The following GMDS variants were observed in gnomAD, a reference collection of about 807,000 sequenced individuals.
GMDS encodes GDP-mannose 4,6-dehydratase.
In GMDS, 20 loss-of-function variants were observed where a neutral mutation model predicts 49.9. The ratio of observed to expected loss-of-function variants is 0.40; its 90% CI spans 0.28 to 0.58. The LOEUF (loss-of-function observed/expected upper bound fraction) is 0.58. Ranked by LOEUF, GMDS falls within the 20% of genes least tolerant of loss-of-function variation. GMDS has a pLI of 0.42. For synonymous variants in GMDS, 177 were observed against 178.6 expected (o/e 0.99, Z 0.07); for missense variants, 362 against 481.4 (o/e 0.75, Z 2.32).
At chr6:2,052,843 A>C (rs1022639766) in intron 4 of GMDS, among the ~76,000 whole-genome samples, 5 of 152,202 alleles carry the variant, frequency 3.3e-5, no homozygotes, top group Admixed American at 3.3e-4. Context: ...CCTAGGACCA[A>C]GATAATACAA....
chr6:1,747,833 T>C (rs577307220), intron 7 of GMDS, among the ~76,000 whole-genome samples: 70 of 152,272 alleles, frequency 4.6e-4, no homozygotes, highest in African/African-American at 1.6e-3. Context: ...GAAACCAAAG[T>C]CTGGCCTTAT....
At chr6:1,995,496 A>G (rs1467216862) in intron 4 of GMDS, among the ~76,000 whole-genome samples, 1 of 132,284 alleles carries the variant, frequency 7.6e-6, no homozygotes, top group Non-Finnish European at 1.6e-5. Context: ...GTGTTGTCTC[A>G]GAGAGAACAT....
chr6:1,660,506 G>A (rs1427282330), intron 9 of GMDS, among the ~76,000 whole-genome samples: 2 of 151,960 alleles, frequency 1.3e-5, no homozygotes, highest in African/African-American at 4.8e-5. Flanking sequence ...TCTGCGGAGA[G>A]GCCGGGGAGG....
intron 4 of GMDS, among the ~76,000 whole-genome samples, chr6:2,036,262 G>C (rs1769301259): frequency 1.3e-5 from 2 of 152,194 alleles, no homozygotes; most frequent in African/African-American, 4.8e-5. Flanking sequence ...TCTGTGTAAA[G>C]TATTTAAGAT....
chr6:2,236,974 T>C (rs1781388839), intron 1 of GMDS, among the ~76,000 whole-genome samples: 1 of 152,246 alleles, frequency 6.6e-6, no homozygotes, highest in Non-Finnish European at 1.5e-5. Flanking sequence ...TTTTTCACTC[T>C]TAAGTTTAAA....
At chr6:1,878,310 A>G (rs902905854) in intron 7 of GMDS, among the ~76,000 whole-genome samples, 138 of 84,484 alleles carry the variant, frequency 1.6e-3, no homozygotes, top group African/African-American at 6.1e-3. Context: ...GCGAGAATCC[A>G]TCTCAAAAAA....
At chr6:2,174,996 G>C (rs1778204054) in intron 1 of GMDS, among the ~76,000 whole-genome samples, 1 of 152,132 alleles carries the variant, frequency 6.6e-6, no homozygotes, top group Non-Finnish European at 1.5e-5. Context: ...TGGGGCATCA[G>C]GGCTCTCTAG....
chr6:2,148,709 C>A (rs1166034480), intron 1 of GMDS, among the ~76,000 whole-genome samples: 1 of 152,208 alleles, frequency 6.6e-6, no homozygotes, highest in African/African-American at 2.4e-5. Context: ...CATGAACCAC[C>A]ACGTCCGGCC....
intron 9 of GMDS, among the ~76,000 whole-genome samples, chr6:1,692,380 T>C (rs543436141): frequency 1.3e-5 from 2 of 152,388 alleles, no homozygotes; most frequent in South Asian, 4.1e-4. Context: ...CTATTAGTTC[T>C]GTCCCTCTAG....
chr6:2,095,364 C>G (rs925874594), intron 4 of GMDS, among the ~76,000 whole-genome samples: 2 of 152,226 alleles, frequency 1.3e-5, no homozygotes, highest in African/African-American at 4.8e-5. Flanking sequence ...TTAAGAACAT[C>G]TGCCACTTGA....
intron 2 of GMDS, among the ~76,000 whole-genome samples, chr6:2,117,915 C>A (rs1033833773): frequency 1.3e-5 from 2 of 152,172 alleles, no homozygotes; most frequent in African/African-American, 4.8e-5. Context: ...GAGGCCGTGT[C>A]GGTAAAACAG....
chr6:1,953,179 G>A (rs984364930), intron 6 of GMDS, among the ~76,000 whole-genome samples: 8 of 152,264 alleles, frequency 5.3e-5, no homozygotes, highest in South Asian at 4.1e-4. Context: ...AACTTTCTCC[G>A]TCACACCCCT....
At chr6:1,705,300 A>G (rs1293722119) in intron 9 of GMDS, among the ~76,000 whole-genome samples, 1 of 152,246 alleles carries the variant, frequency 6.6e-6, no homozygotes, top group Non-Finnish European at 1.5e-5. Context: ...GTAGAGACAC[A>G]AGGTGATGGG....
intron 8 of GMDS, among the ~76,000 whole-genome samples, chr6:1,738,166 G>T (rs74699644): frequency 1.2e-5 from 1 of 84,170 alleles, no homozygotes; most frequent in Non-Finnish European, 2.6e-5. Context: ...CACACACACA[G>T]ACACATACAC....
intron 8 of GMDS, among the ~76,000 whole-genome samples, chr6:1,739,021 A>ATT (rs1767156607): frequency 1.3e-5 from 2 of 152,240 alleles, no homozygotes; most frequent in African/African-American, 4.8e-5. Flanking sequence ...CTTGTGCTTA[A>ATT]TTAAGTATTT....
At chr6:1,950,265 A>G (rs186390426) in intron 6 of GMDS, among the ~76,000 whole-genome samples, 2 of 152,376 alleles carry the variant, frequency 1.3e-5, no homozygotes, top group East Asian at 3.9e-4. Flanking sequence ...CACTAATATT[A>G]GTATAATCCT....
chr6:1,678,708 T>G (rs1764697964), intron 9 of GMDS, among the ~76,000 whole-genome samples: 2 of 152,176 alleles, frequency 1.3e-5, no homozygotes, highest in Non-Finnish European at 2.9e-5. Flanking sequence ...CAGTCAGAGA[T>G]AAAAGATTAA....
chr6:1,878,175 C>T (rs1002548182), intron 7 of GMDS, among the ~76,000 whole-genome samples: 2 of 151,880 alleles, frequency 1.3e-5, no homozygotes, highest in Non-Finnish European at 2.9e-5. Flanking sequence ...ATTAGCCAGG[C>T]GTGGTGGCGG....
intron 9 of GMDS, among the ~76,000 whole-genome samples, chr6:1,705,003 G>T (rs890815500): frequency 5.9e-5 from 9 of 152,226 alleles, no homozygotes; most frequent in Middle Eastern, 3.4e-3. Context: ...AGCCAAGGTG[G>T]AAATTTCCCA....
Sources: gnomAD v4.1 joint callset for allele counts (sites outside exome capture counted in the v4.1 genomes callset) on GRCh38, gnomAD v4.1.1 for gene constraint, MANE v1.5 for transcripts, NCBI Gene and HGNC (gene_info 2026-07-23, HGNC 2026-07-21) for gene names.